The following JAG1 variants were observed in gnomAD, a reference collection of about 807,000 sequenced individuals.
The protein encoded by JAG1 is jagged canonical Notch ligand 1.
JAG1 carries 23 observed loss-of-function variants against 148.7 expected under a neutral mutation model. That is an observed-to-expected ratio of 0.15 (90% CI 0.11 to 0.22). The LOEUF (loss-of-function observed/expected upper bound fraction) is 0.22, where lower values mean the gene tolerates loss of function less well. JAG1 is among the 10% of genes least tolerant of loss of function. The pLI, the probability that JAG1 is intolerant of heterozygous loss-of-function variation, is 1.00. For synonymous variants in JAG1, 572 were observed against 598.3 expected (o/e 0.96, Z 0.64); for missense variants, 1,054 against 1,611.2 (o/e 0.65, Z 5.92).
chr20:10,645,634 C>T lies in JAG1; in HGVS notation c.2000-165G>A, dbSNP rs575915845. 28 of 694,922 alleles carry T rather than the reference C, an allele frequency of 4.0e-5. No homozygotes were observed. The highest frequency in any genetic ancestry group is 6.9e-5 in the Non-Finnish European group (27 of 392,104). The allele number at this position is 694,922 out of a possible 1,614,324, so 43.0% of individuals were successfully genotyped here. ...GGCTTTTCCAGGAATAAAGGAGCTC[C>T]CAACTGGGTTACTTTGAATGCCACA... is the stretch of plus-strand genomic sequence containing the variant. On this transcript the variant is annotated intron_variant, in intron 15 of 25. Coordinates refer to ENST00000254958, the MANE Select transcript of JAG1 (RefSeq NM_000214.3). The surrounding 1 kb of genome is among the most constrained non-coding windows in gnomAD (Gnocchi z 6.1).
intron 2 of JAG1, among the ~76,000 whole-genome samples, chr20:10,666,544 C>G (rs905355495): frequency 6.6e-6 from 1 of 152,160 alleles, no homozygotes; most frequent in Non-Finnish European, 1.5e-5. Flanking sequence ...ACAACAAAAG[C>G]AAATACCTGG....
rs1314252721 is a variant in JAG1, at chr20:10,638,416, T to A, written c.*1082A>T. 6.6e-6 allele frequency: 1 copy of A among 152,654 alleles called. No homozygotes were observed. 9.5% of individuals were successfully genotyped at this position (152,654 alleles called of 1,614,324 possible). A position where few individuals can be genotyped will look rare whatever the true frequency, so the allele number is the denominator to read the frequency against. On this transcript the variant is annotated 3_prime_UTR_variant, in exon 26 of 26. Coordinates refer to ENST00000254958, the MANE Select transcript of JAG1 (RefSeq NM_000214.3). ...ACAATTAATTTGATATTTTTAATCA[T>A]ATTCAACCACTCACATTTTGGCTAT...
intron 20 of JAG1, 146 bp from the exon 21 acceptor site, chr20:10,642,747 C>A: frequency 1.4e-6 from 1 of 697,746 alleles, no homozygotes; most frequent in Non-Finnish European, 2.6e-6. Context: ...AAAGAAGAAA[C>A]AGATCTATTG....
chr20:10,647,236 C>A, intron 13 of JAG1, 133 bp from the exon 14 acceptor site: 1 of 996,156 alleles, frequency 1.0e-6, no homozygotes, highest in Non-Finnish European at 1.6e-6. Context: ...CCCAGGGAAG[C>A]CAAGATACTG....
chr20:10,672,431 C>A (rs888433784), intron 2 of JAG1, among the ~76,000 whole-genome samples: 6 of 152,186 alleles, frequency 3.9e-5, no homozygotes, highest in Non-Finnish European at 7.4e-5. Context: ...TTTACACCGG[C>A]CTTCCTAGGA....
At chr20:10,663,849 G>T in intron 3 of JAG1, 114 bp downstream of exon 3, 2 of 824,436 alleles carry the variant, frequency 2.4e-6, no homozygotes, top group African/African-American at 1.7e-5. Context: ...AGAACAGAAG[G>T]CAAGAGGTGG....
At position 10,648,567 on chromosome 20, in the gene JAG1, G is replaced by A. The variant is rs757282924; in HGVS notation, c.1551C>T (p.Phe517=). 4 of 1,613,614 alleles carry A rather than the reference G, an allele frequency of 2.5e-6. No individual in the cohort carries two copies. In the African/African-American group the frequency reaches 5.3e-5, roughly 22 times the overall value. ...NRFQCLCPTG[F]SGNLCQLDID... ...CACTCACCTGACAGAGGTTTCCAGA[G>A]AAACCAGTGGGACACAGACACTGGA... The change falls in exon 12 of 26, where the codon TTC becomes TTT. Residue 517 remains phenylalanine (F), a synonymous_variant. Coordinates refer to ENST00000254958, the MANE Select transcript of JAG1 (RefSeq NM_000214.3).
intron 2 of JAG1, 131 bp from the exon 3 acceptor site, chr20:10,664,145 T>G: frequency 1.3e-6 from 1 of 760,326 alleles, no homozygotes; most frequent in South Asian, 1.4e-5. Flanking sequence ...TGTTGGTTGT[T>G]GCATTGAGTT....
At chr20:10,671,658 C>A (rs1429989638) in intron 2 of JAG1, among the ~76,000 whole-genome samples, 1 of 152,172 alleles carries the variant, frequency 6.6e-6, no homozygotes, top group Non-Finnish European at 1.5e-5. Flanking sequence ...CTAGGCCAAG[C>A]CCCAGTCTTG....
At chr20:10,649,662 GA>G in intron 9 of JAG1, 27 bp from the exon 10 acceptor site, 1 of 1,381,064 alleles carries the variant, frequency 7.2e-7, no homozygotes, top group Non-Finnish European at 1.0e-6. Flanking sequence ...ATGAGCATGA[GA>G]AATGAAGTTC....
rs1396299651 is a variant in JAG1, at chr20:10,641,862, C to G, written c.2603G>C (p.Ser868Thr). ...VSGRPCITMG[S>T]VIPDGAKWDD... Reference sequence around the variant, plus strand: ...CCATTTGGCCCCATCTGGTATCACACTCCCCATGGTGATGCAAGGTCTCCC... The same window carrying G: ...CCATTTGGCCCCATCTGGTATCACAGTCCCCATGGTGATGCAAGGTCTCCC... Residue 868 changes from serine (S) to threonine (T), a missense_variant, in exon 22 of 26, where the codon AGT becomes ACT. Ser to Thr is a moderately conservative substitution (Grantham distance 58). This residue lies in a region of JAG1 where 342 missense variants were observed against 514.6 expected (regional missense o/e 0.66). Transcript: ENST00000254958. 6.2e-7 allele frequency: 1 copy of G among 1,613,336 alleles called. No individual in the cohort carries two copies. The highest frequency in any genetic ancestry group is 2.2e-5 in the East Asian group (1 of 44,890).
intron 2 of JAG1, among the ~76,000 whole-genome samples, chr20:10,671,813 C>G (rs1462008732): frequency 2.0e-5 from 3 of 152,214 alleles, no homozygotes; most frequent in Admixed American, 2.0e-4. Context: ...GATCTGCCAG[C>G]TGGGCCCGGG....
chr20:10,641,915 C>T (rs748139479), intron 21 of JAG1, 23 bp from the exon 22 acceptor site: 24 of 1,500,546 alleles, frequency 1.6e-5, no homozygotes, highest in Non-Finnish European at 1.7e-5. Context: ...GACGGGTGAG[C>T]AGTTTATTTT....
At position 10,640,885 on chromosome 20, in the gene JAG1, C is replaced by A. The variant is rs772228887; in HGVS notation, c.3097G>T (p.Asp1033Tyr). The A allele has an allele frequency of 6.2e-7, 1 of 1,613,884 alleles. No individual in the cohort carries two copies. Among genetic ancestry groups the A allele is most frequent in the East Asian group, 2.2e-5 (1 of 44,886 alleles). The stretch of plus-strand genomic sequence containing the variant: ...TTACTAACAAGATCGATTATTTTGT[C>A]AGTGATTTCCTTGATCGGGTTCCCA... ...DDGNPIKEIT[D>Y]KIIDLVSKRD... Residue 1033 changes from aspartate to tyrosine, a missense_variant, in exon 25 of 26, where the codon GAC (aspartate) becomes TAC (tyrosine). Asp to Tyr is a radical substitution (Grantham distance 160, BLOSUM62 -3). Around this residue, in one of 6 missense-constraint regions of JAG1, gnomAD observed 342 missense variants for 514.6 expected, o/e 0.66. Coordinates refer to ENST00000254958, the MANE Select transcript of JAG1 (RefSeq NM_000214.3).
intron 13 of JAG1, among the ~76,000 whole-genome samples, chr20:10,647,747 C>G (rs1568795623): frequency 1.3e-5 from 2 of 152,236 alleles, no homozygotes; most frequent in Admixed American, 1.3e-4. Context: ...CACATTCTCT[C>G]CCCTGGGCTA....
intron 5 of JAG1, 49 bp downstream of exon 5, chr20:10,656,349 T>C: frequency 6.9e-7 from 1 of 1,446,770 alleles, no homozygotes; most frequent in Non-Finnish European, 9.7e-7. Context: ...GTTCCTCTCT[T>C]ACATAAAGGA....
At position 10,663,947 on chromosome 20, in the gene JAG1, C is replaced by T. The variant is rs779674008; in HGVS notation, c.439+16G>A. 8 of 1,611,004 alleles carry T rather than the reference C, an allele frequency of 5.0e-6. No individual in the cohort carries two copies. In the East Asian group the frequency reaches 1.8e-4, roughly 36 times the overall value. On this transcript the variant is annotated intron_variant, in intron 3 of 25. Transcript: ENST00000254958. The stretch of plus-strand genomic sequence containing the variant: ...CCACGTGTGTTTAGAGAAAAGTCCA[C>T]AGAAGCGATACTTACGAACGGTGTC...
At chr20:10,648,250 C>G (rs960323001) in intron 12 of JAG1, 140 bp from the exon 13 acceptor site, 2 of 1,024,592 alleles carry the variant, frequency 2.0e-6, no homozygotes, top group African/African-American at 1.6e-5. Context: ...AGATACATCT[C>G]TATGCTGTAG....
At position 10,655,048 on chromosome 20, in the gene JAG1, A is replaced by G. The variant is rs117552053; in HGVS notation, c.755+1350T>C. ...GCAATGCTGTTAAATACTACAGTCC[A>G]TCGCCACCAATGGGAGACAGCAGGA... On this transcript the variant is annotated intron_variant, in intron 5 of 25. Transcript: ENST00000254958. Among the ~76,000 whole-genome samples, 121 of 152,330 alleles carry G rather than the reference A, an allele frequency of 7.9e-4. 3 individuals carry two copies. The East Asian group carries it at 0.023, about 29-fold the overall frequency.
Sources: allele counts gnomAD v4.1 joint callset (sites outside exome capture counted in the v4.1 genomes callset), GRCh38; gene constraint gnomAD v4.1.1; regional missense constraint gnomAD v4.1.1; non-coding constraint Gnocchi (gnomAD v3.1); transcripts MANE v1.5; gene names NCBI Gene and HGNC (gene_info 2026-07-23, HGNC 2026-07-21).